The following LRRC57 variants were observed in gnomAD, a reference collection of about 807,000 sequenced individuals.
LRRC57 encodes the protein leucine rich repeat containing 57.
In LRRC57, 14 loss-of-function variants were observed where a neutral mutation model predicts 23.1. The ratio of observed to expected loss-of-function variants is 0.61; its 90% confidence interval spans 0.40 to 0.95. The LOEUF (loss-of-function observed/expected upper bound fraction) is 0.95. LRRC57 is among the 40% of genes least tolerant of loss of function. LRRC57 has a pLI of 0.00. For synonymous variants in LRRC57, 106 were observed against 115.2 expected, an observed-to-expected ratio of 0.92 and a Z score of 0.51; for missense variants, 236 against 284.4, an observed-to-expected ratio of 0.83 and a Z score of 1.22.
At chr15:42,537,231 T>TCACACACACACACACACA (rs777117722), downstream of LRRC57, among the ~76,000 whole-genome samples, 1 of 132,082 alleles carries the variant, frequency 7.6e-6, no homozygotes, top group African/African-American at 3.6e-5. Context: ...TCTCTCTCTC[T>TCACACACACACACACACA]CTCACACACA....
At chr15:42,537,216 GTC>G (rs375203501), downstream of LRRC57, among the ~76,000 whole-genome samples, 2,006 of 139,134 alleles carry the variant, frequency 0.014, 24 homozygotes, top group Middle Eastern at 0.04. Flanking sequence ...CCATCTCTCT[GTC>G]TCTCTCTCTC....
chr15:42,538,710 T>C lies in LRRC57; in HGVS notation c.*5373A>G, dbSNP rs1174174342. On this transcript the variant is annotated 3_prime_UTR_variant, in exon 6 of 6. Transcript: ENST00000397130. ...GGCCACTATGCTAAGTGCTTTTATA[T>C]AGTTTTTTGCAACATACCTGAGAGG... is the stretch of plus-strand genomic sequence containing the variant. 1 of 152,270 alleles carries C rather than the reference T, an allele frequency of 6.6e-6. No individual in the cohort carries two copies. The highest frequency in any genetic ancestry group is 2.4e-5 in the African/African-American group (1 of 41,478). The allele number at this position is 152,270 out of a possible 1,614,324, so 9.4% of individuals were successfully genotyped here.
At chr15:42,535,553 G>T (rs1481919252), downstream of LRRC57, among the ~76,000 whole-genome samples, 1 of 151,438 alleles carries the variant, frequency 6.6e-6, no homozygotes, top group Non-Finnish European at 1.5e-5. Context: ...AGCTGGGATT[G>T]CAGGTGTGTG....
chr15:42,541,825 T>A lies in LRRC57; in HGVS notation c.*2258A>T, dbSNP rs1185941181. 1 of 150,748 alleles carries A rather than the reference T, an allele frequency of 6.6e-6. No individual in the cohort carries two copies. Among genetic ancestry groups the A allele is most frequent in the East Asian group, 2.0e-4 (1 of 5,086 alleles). The allele number at this position is 150,748 out of a possible 1,614,324, so 9.3% of individuals were successfully genotyped here. On this transcript the variant is annotated 3_prime_UTR_variant, in exon 6 of 6. Coordinates refer to ENST00000397130, the MANE Select transcript of LRRC57 (RefSeq NM_153260.3). The stretch of plus-strand genomic sequence containing the variant: ...CCCAGGCTGGAGTGCAGTGGCAAGA[T>A]CTCCGCTCACTGCAAGCTCCGCCTC...
In LRRC57 at chr15:42,548,123, A is replaced by T; in HGVS notation, c.206T>A (p.Leu69Gln). The T allele has an allele frequency of 6.2e-7, 1 of 1,614,228 alleles. No homozygotes were observed. The highest frequency in any genetic ancestry group is 8.5e-7 in the Non-Finnish European group (1 of 1,180,036). Reference sequence around the variant, plus strand: ...AGCCATACTCAGTTTGTTGTTGTTCAGGGAGAGGCTCTTCAGCAGAGTGAA... The same window carrying T: ...AGCCATACTCAGTTTGTTGTTGTTCTGGGAGAGGCTCTTCAGCAGAGTGAA... ...GKFTLLKSLS[L>Q]NNNKLTVLPD... The change falls in exon 3 of 6, where the codon CTG (leucine) becomes CAG (glutamine). Residue 69 changes from leucine to glutamine, a missense_variant. Physicochemically the swap from Leu to Gln is moderately radical, Grantham distance 113. Transcript: ENST00000397130.
intron 1 of LRRC57, 39 bp from the exon 2 acceptor site, chr15:42,548,495 C>T: frequency 6.4e-7 from 1 of 1,558,964 alleles, no homozygotes; most frequent in Admixed American, 1.8e-5. Flanking sequence ...CCCAGTCCAC[C>T]CGGTCGGCCT....
At chr15:42,530,165 C>T in the LRRC57 span, among the ~76,000 whole-genome samples, 70 of 152,242 alleles carry the variant, frequency 4.6e-4, no homozygotes, top group African/African-American at 1.6e-3. Context: ...CTTGCTCTGT[C>T]GCCTAGGGTA....
intron 1 of LRRC57, 72 bp from the exon 2 acceptor site, chr15:42,548,528 G>C (rs2057678440): frequency 1.6e-6 from 2 of 1,241,610 alleles, no homozygotes; most frequent in Non-Finnish European, 1.1e-6. Context: ...TCCTGCCCCA[G>C]CTCTCAACTC....
In LRRC57 at chr15:42,548,229, G is replaced by GC; in HGVS notation, c.99dup (p.Gln34AlafsTer46). ...GTCCTGAGATTGCTCGTCAGCTTCT[G>GC]CAAGTCTGCGGGGAACTGGAGAAAG... On this transcript the variant is annotated frameshift_variant, in exon 3 of 6. Coordinates refer to ENST00000397130, the MANE Select transcript of LRRC57 (RefSeq NM_153260.3). LOFTEE classifies it high-confidence loss of function. The GC allele has an allele frequency of 6.2e-7, 1 of 1,614,216 alleles. No homozygotes were observed. Among genetic ancestry groups the GC allele is most frequent in the Non-Finnish European group, 8.5e-7 (1 of 1,180,038 alleles).
intron 4 of LRRC57, among the ~76,000 whole-genome samples, 167 bp downstream of exon 4, chr15:42,547,094 A>G (rs2057661857): frequency 6.6e-6 from 1 of 152,156 alleles, no homozygotes; most frequent in Non-Finnish European, 1.5e-5. Context: ...AACTAATTCC[A>G]TGGCACTTTG....
chr15:42,531,468 T>C, the LRRC57 span: 4 of 1,602,222 alleles, frequency 2.5e-6, no homozygotes, highest in African/African-American at 5.4e-5. Context: ...AAGAAACTCA[T>C]TGACAGCTAA....
chr15:42,539,151 T>G lies in LRRC57; in HGVS notation c.*4932A>C, dbSNP rs1288216145. 1 of 151,810 alleles carries G rather than the reference T, an allele frequency of 6.6e-6. No homozygotes were observed. Among genetic ancestry groups the G allele is most frequent in the Non-Finnish European group, 1.5e-5 (1 of 68,108 alleles). The allele number at this position is 151,810 out of a possible 1,614,324, so 9.4% of individuals were successfully genotyped here. ...TGAGCTGTGATCATGCCACTGCACT[T>G]CAGCCTGGGCAATAGAGCAAGACCC... On this transcript the variant is annotated 3_prime_UTR_variant, in exon 6 of 6. Coordinates refer to ENST00000397130, the MANE Select transcript of LRRC57 (RefSeq NM_153260.3).
At chr15:42,545,324 G>A (rs1468857343) in intron 4 of LRRC57, 62 bp from the exon 5 acceptor site, 8 of 1,197,022 alleles carry the variant, frequency 6.7e-6, no homozygotes, top group Non-Finnish European at 7.9e-6. Context: ...GTTACTTTTA[G>A]TACATTAAAA....
chr15:42,548,332 G>A lies in LRRC57; in HGVS notation c.84+19C>T. 1 of 1,614,086 alleles carries A rather than the reference G, an allele frequency of 6.2e-7. No individual in the cohort carries two copies. Among genetic ancestry groups the A allele is most frequent in the South Asian group, 1.1e-5 (1 of 91,080 alleles). ...CCCTCTCCCTTTAAGTTCCCTGGTC[G>A]TGTCCCTCCCAGTCTCACCTCGGTC... On this transcript the variant is annotated intron_variant, in intron 2 of 5. Coordinates refer to ENST00000397130, the MANE Select transcript of LRRC57 (RefSeq NM_153260.3).
rs2057652504 is a variant in LRRC57, at chr15:42,545,090, T to C, written c.665A>G (p.Glu222Gly). 3.8e-6 allele frequency: 6 copies of C among 1,599,162 alleles called. No individual in the cohort carries two copies. The highest frequency in any genetic ancestry group is 5.1e-6 in the Non-Finnish European group (6 of 1,174,428). Residue 222 changes from glutamate (E) to glycine (G), a missense_variant, in exon 5 of 6, where the codon GAA becomes GGA. Transcript: ENST00000397130. The stretch of plus-strand genomic sequence containing the variant: ...ATTAATTCATACCTTATCATAGCCT[T>C]CCAGTTCTCGAAGTTTCTTTATTTC... The part of the protein sequence containing the change: ...LFEIKKLREL[E>G]GYDKYMERFT...
rs927932198 is a variant in LRRC57, at chr15:42,548,676, G to A, written c.-23+17C>T. ...GCCTCTGGGAGCCTACGGAAGATCA[G>A]GGAGCCCCGGACTCGCCTCCCACCG... is the stretch of plus-strand genomic sequence containing the variant. On this transcript the variant is annotated intron_variant, in intron 1 of 5. Coordinates refer to ENST00000397130, the MANE Select transcript of LRRC57 (RefSeq NM_153260.3). The A allele has an allele frequency of 2.9e-5, 18 of 621,242 alleles. No homozygotes were observed. Among genetic ancestry groups the A allele is most frequent in the South Asian group, 1.4e-4 (7 of 50,324 alleles). 38.5% of individuals were successfully genotyped at this position (621,242 alleles called of 1,614,324 possible). A position where few individuals can be genotyped will look rare whatever the true frequency, so the allele number is the denominator to read the frequency against.
the LRRC57 span, chr15:42,528,413 A>G: frequency 1.2e-6 from 2 of 1,614,154 alleles, no homozygotes; most frequent in Non-Finnish European, 1.7e-6. Context: ...TGGTGGATAC[A>G]TTAAACGGTA....
At position 42,538,768 on chromosome 15, in the gene LRRC57, G is replaced by A. The variant is rs1386760831; in HGVS notation, c.*5315C>T. 6.6e-6 allele frequency: 1 copy of A among 152,136 alleles called. No homozygotes were observed. The highest frequency in any genetic ancestry group is 1.5e-5 in the Non-Finnish European group (1 of 68,030). The allele number at this position is 152,136 out of a possible 1,614,324, so 9.4% of individuals were successfully genotyped here. On this transcript the variant is annotated 3_prime_UTR_variant, in exon 6 of 6. Transcript: ENST00000397130. The stretch of plus-strand genomic sequence containing the variant: ...TATTCCCTATATTTACAAGTGAGAC[G>A]AAATTGCTCAAATTCATAAAGCTAA...
At position 42,548,790 on chromosome 15, in the gene LRRC57, C is replaced by G. The variant is rs1195724350; in HGVS notation, c.-120G>C. 3.8e-6 allele frequency: 4 copies of G among 1,066,618 alleles called. No individual in the cohort carries two copies. The African/African-American group carries it at 4.7e-5, about 13-fold the overall frequency. 66.1% of individuals were successfully genotyped at this position (1,066,618 alleles called of 1,614,324 possible). A position where few individuals can be genotyped will look rare whatever the true frequency, so the allele number is the denominator to read the frequency against. On this transcript the variant is annotated 5_prime_UTR_variant, in exon 1 of 6. Coordinates refer to ENST00000397130, the MANE Select transcript of LRRC57 (RefSeq NM_153260.3). ...CGGCTTAGTCCCGGGCGGGAACGCC[C>G]TGTGACGTCATCGAGCCGCGCCGTG...
Sources: allele counts gnomAD v4.1 joint callset (sites outside exome capture counted in the v4.1 genomes callset), GRCh38; gene constraint gnomAD v4.1.1; transcripts MANE v1.5; gene names NCBI Gene and HGNC (gene_info 2026-07-23, HGNC 2026-07-21).